GRID2: variants seen among roughly 807,000 people sequenced by gnomAD.
GRID2 encodes glutamate receptor ionotropic, delta-2.
In GRID2, 33 loss-of-function variants were observed where a neutral mutation model predicts 114.8. The ratio of observed to expected loss-of-function variants is 0.29; its 90% CI spans 0.22 to 0.38. The LOEUF is 0.38. GRID2 is among the 10% of genes least tolerant of loss of function. The pLI is 1.00. For synonymous variants in GRID2, 505 were observed against 449.9 expected (o/e 1.12, Z -1.55); for missense variants, 1,184 against 1,257.7 (o/e 0.94, Z 0.89).
At chr4:92,835,012 C>T (rs887618149) in intron 2 of GRID2, among the ~76,000 whole-genome samples, 1 of 152,096 alleles carries the variant, frequency 6.6e-6, no homozygotes, top group African/African-American at 2.4e-5. Context: ...GTATCAGAAA[C>T]TCTGTAATAC....
At chr4:92,530,451 T>C (rs147071269) in intron 1 of GRID2, among the ~76,000 whole-genome samples, 129 of 129,594 alleles carry the variant, frequency 1.0e-3, no homozygotes, top group African/African-American at 3.6e-3. Flanking sequence ...TTATGGAAAA[T>C]AGTGAGAATA....
chr4:92,811,858 C>A (rs918999820), intron 2 of GRID2, among the ~76,000 whole-genome samples: 2 of 151,994 alleles, frequency 1.3e-5, no homozygotes, highest in South Asian at 2.1e-4. Flanking sequence ...AATTCAAAAT[C>A]GTGACGTACT....
chr4:92,457,375 G>A (rs1164218681), intron 1 of GRID2, among the ~76,000 whole-genome samples: 1 of 152,120 alleles, frequency 6.6e-6, no homozygotes, highest in Non-Finnish European at 1.5e-5. Flanking sequence ...TGAAGGCAAA[G>A]TTTATCTCTG....
At chr4:93,228,326 A>G (rs916571433) in intron 7 of GRID2, among the ~76,000 whole-genome samples, 1 of 152,184 alleles carries the variant, frequency 6.6e-6, no homozygotes, top group African/African-American at 2.4e-5. Flanking sequence ...AAGGGGACCA[A>G]ACTCTTGTGA....
Position 93,784,051 on chromosome 4 carries a change from G to A in GRID2, c.221+14601G>A, listed in dbSNP as rs112811427. On this transcript the variant is annotated intron_variant, in intron 1 of 1. Transcript: ENST00000637838. ...CCCGCCACTGCACTCCAGCCTGGGC[G>A]ACAGAGCGAGACTCCGTCTCAAAAA... Among the ~76,000 whole-genome samples the A allele has an allele frequency of 4.8e-3, 509 of 105,588 alleles. 2 individuals carry two copies. The highest frequency in any genetic ancestry group is 0.011 in the Middle Eastern group (1 of 90). The allele number at this position is 105,588 out of a possible 152,430, so 69.3% of individuals were successfully genotyped here. A position where few individuals can be genotyped will look rare whatever the true frequency, so the allele number is the denominator to read the frequency against.
intron 4 of GRID2, among the ~76,000 whole-genome samples, chr4:93,166,340 C>G (rs1459813745): frequency 1.3e-5 from 2 of 152,078 alleles, no homozygotes; most frequent in Non-Finnish European, 2.9e-5. Context: ...CTGGTCTGCT[C>G]TCTCTACACT....
chr4:93,106,267 G>A (rs148767151), intron 3 of GRID2, among the ~76,000 whole-genome samples: 1 of 152,300 alleles, frequency 6.6e-6, no homozygotes, highest in East Asian at 1.9e-4. Flanking sequence ...CAGCTAATCA[G>A]CATACAGATA....
intron 1 of GRID2, among the ~76,000 whole-genome samples, chr4:92,334,452 A>G (rs1022527449): frequency 2.0e-5 from 3 of 152,086 alleles, no homozygotes; most frequent in Non-Finnish European, 4.4e-5. Context: ...TTTATTTCTT[A>G]TAGTTCTTCA....
intron 2 of GRID2, among the ~76,000 whole-genome samples, chr4:92,829,944 A>G (rs1389170329): frequency 6.6e-6 from 1 of 152,064 alleles, no homozygotes; most frequent in East Asian, 1.9e-4. Flanking sequence ...GGTGGGGACA[A>G]GGGGAGTGAG....
intron 2 of GRID2, among the ~76,000 whole-genome samples, chr4:92,855,140 A>T (rs1744085321): frequency 6.6e-6 from 1 of 152,032 alleles, no homozygotes; most frequent in South Asian, 2.1e-4. Flanking sequence ...GCATTGTGAG[A>T]CTACTTCTTA....
intron 1 of GRID2, among the ~76,000 whole-genome samples, chr4:92,523,645 C>G (rs1724893581): frequency 6.6e-6 from 1 of 151,932 alleles, no homozygotes; most frequent in Non-Finnish European, 1.5e-5. Flanking sequence ...CACACAGTCA[C>G]TCTGTAAGAT....
intron 14 of GRID2, among the ~76,000 whole-genome samples, chr4:93,757,086 G>T (rs1042233260): frequency 1.3e-5 from 2 of 152,180 alleles, no homozygotes; most frequent in Admixed American, 6.5e-5. Context: ...ACAGAAGCAT[G>T]AGAAAAGAAT....
intron 4 of GRID2, among the ~76,000 whole-genome samples, chr4:93,119,494 G>A (rs1733585200): frequency 6.6e-6 from 1 of 152,032 alleles, no homozygotes; most frequent in African/African-American, 2.4e-5. Flanking sequence ...TTTGAAAGGA[G>A]GAAGTTTTAC....
chr4:93,050,864 T>C lies in GRID2; in HGVS notation c.245-34131T>C, dbSNP rs1257007499. On this transcript the variant is annotated intron_variant, in intron 2 of 15. Coordinates refer to ENST00000282020, the MANE Select transcript of GRID2 (RefSeq NM_001510.4). Reference sequence around the variant, plus strand: ...TGGTCTATTATAGCTGTCATTATCCTTGCTTTCACTTCTCCAACAGGCGTT... The same window carrying C: ...TGGTCTATTATAGCTGTCATTATCCCTGCTTTCACTTCTCCAACAGGCGTT... Among the ~76,000 whole-genome samples, 5 of 152,064 alleles carry C rather than the reference T, an allele frequency of 3.3e-5. No individual in the cohort carries two copies. In the East Asian group the frequency reaches 9.7e-4, roughly 29 times the overall value.
At chr4:92,637,380 A>C (rs1731120453) in intron 2 of GRID2, among the ~76,000 whole-genome samples, 1 of 152,076 alleles carries the variant, frequency 6.6e-6, no homozygotes, top group Non-Finnish European at 1.5e-5. Flanking sequence ...GTGGCATGTT[A>C]GCTCAAAATA....
intron 1 of GRID2, among the ~76,000 whole-genome samples, chr4:92,440,367 T>C (rs1208346212): frequency 1.4e-5 from 2 of 148,132 alleles, no homozygotes; most frequent in South Asian, 4.4e-4. Flanking sequence ...AAGAAATGAC[T>C]GCGGTGGCCT....
chr4:93,743,883 G>T (rs1188237000), intron 14 of GRID2, among the ~76,000 whole-genome samples: 1 of 152,154 alleles, frequency 6.6e-6, no homozygotes, highest in Non-Finnish European at 1.5e-5. Flanking sequence ...GAGAGTAGAA[G>T]TCAATGCTTG....
intron 1 of GRID2, among the ~76,000 whole-genome samples, chr4:92,349,910 C>T (rs186037834): frequency 5.6e-4 from 85 of 151,916 alleles, no homozygotes; most frequent in African/African-American, 1.9e-3. Flanking sequence ...ACCAGTAACC[C>T]TTAAGTTCTT....
chr4:92,871,843 G>A (rs1014213946), intron 2 of GRID2, among the ~76,000 whole-genome samples: 2 of 152,144 alleles, frequency 1.3e-5, no homozygotes, highest in African/African-American at 2.4e-5. Context: ...GGATAAAATG[G>A]TTGCTTAATT....
Sources: gnomAD v4.1 joint callset for allele counts (sites outside exome capture counted in the v4.1 genomes callset) on GRCh38, gnomAD v4.1.1 for gene constraint, MANE v1.5 for transcripts, NCBI Gene and HGNC (gene_info 2026-07-23, HGNC 2026-07-21) for gene names.